TBC1D1: variants seen among roughly 807,000 people sequenced by gnomAD.
TBC1D1 encodes TBC1 (tre-2/USP6, BUB2, cdc16) domain family, member 1.
A neutral mutation model predicts 125.6 loss-of-function variants in TBC1D1; 89 were observed. That is an observed-to-expected ratio of 0.71 (90% CI 0.60 to 0.85). The LOEUF (loss-of-function observed/expected upper bound fraction) is 0.85. TBC1D1 is among the 40% of genes least tolerant of loss of function. The pLI, the probability that TBC1D1 is intolerant of heterozygous loss-of-function variation, is 0.00. For synonymous variants in TBC1D1, 565 were observed against 564.1 expected (o/e 1.00, Z -0.02); for missense variants, 1,377 against 1,469.2 (o/e 0.94, Z 1.03).
At chr4:38,108,150 G>A (rs753576119) in intron 15 of TBC1D1, among the ~76,000 whole-genome samples, 2 of 152,156 alleles carry the variant, frequency 1.3e-5, no homozygotes, top group African/African-American at 2.4e-5. Context: ...GGACTGCCCA[G>A]CATCCTGTCT....
chr4:38,107,577 G>GTTTTTTTTTTTTTTTTT (rs3038351), intron 15 of TBC1D1, among the ~76,000 whole-genome samples: 2 of 53,104 alleles, frequency 3.8e-5, no homozygotes, highest in Non-Finnish European at 6.3e-5. Context: ...GTCTAAACAG[G>GTTTTTTTTTTTTTTTTT]TTTTTTTTTT....
chr4:38,087,847 AAAAAAAAAAAAAAAAG>A (rs1442362303), intron 12 of TBC1D1, among the ~76,000 whole-genome samples: 37 of 100,106 alleles, frequency 3.7e-4, no homozygotes, highest in Admixed American at 1.7e-3. Flanking sequence ...TTCCGTCTCA[AAAAAAAAAAAAAAAAG>A]AAAAAAAAAA....
intron 12 of TBC1D1, among the ~76,000 whole-genome samples, chr4:38,086,788 G>C (rs1273905760): frequency 1.3e-5 from 2 of 152,192 alleles, no homozygotes. Context: ...TGGAGAAACA[G>C]CAGTGGAGGC....
chr4:38,038,500 A>G (rs1427460630), intron 8 of TBC1D1, among the ~76,000 whole-genome samples: 2 of 152,168 alleles, frequency 1.3e-5, no homozygotes, highest in Admixed American at 6.5e-5. Context: ...ACACTTTAGC[A>G]TGTATATCAT....
At chr4:38,021,276 A>G (rs1035538766) in intron 5 of TBC1D1, among the ~76,000 whole-genome samples, 4 of 152,162 alleles carry the variant, frequency 2.6e-5, no homozygotes, top group Non-Finnish European at 5.9e-5. Flanking sequence ...CCATGATTCA[A>G]TTACCTCCCA....
chr4:38,057,116 C>T (rs774753411), intron 12 of TBC1D1, among the ~76,000 whole-genome samples: 44 of 152,206 alleles, frequency 2.9e-4, no homozygotes, highest in Non-Finnish European at 5.9e-4. Context: ...TGTGCCCCAC[C>T]ACCCAATCTC....
intron 2 of TBC1D1, chr4:37,960,295 C>T (rs1729721422): frequency 1.3e-6 from 1 of 778,310 alleles, no homozygotes; most frequent in African/African-American, 1.8e-5. Context: ...TATATGAGTT[C>T]ATGCTAACTC....
chr4:37,914,935 C>G (rs1396568282), intron 2 of TBC1D1, among the ~76,000 whole-genome samples: 3 of 152,260 alleles, frequency 2.0e-5, no homozygotes, highest in African/African-American at 7.2e-5. Context: ...TCACTTCATC[C>G]AGTTTTAATG....
chr4:37,957,037 C>T (rs573852001), intron 2 of TBC1D1, among the ~76,000 whole-genome samples: 2 of 152,228 alleles, frequency 1.3e-5, no homozygotes, highest in South Asian at 4.1e-4. Flanking sequence ...TACTCCTATC[C>T]GGTCTTTGGG....
At chr4:37,918,847 A>G (rs1281467376) in intron 2 of TBC1D1, among the ~76,000 whole-genome samples, 2 of 152,222 alleles carry the variant, frequency 1.3e-5, no homozygotes, top group African/African-American at 4.8e-5. Flanking sequence ...ATGATGTATT[A>G]TGTGTATTCT....
intron 12 of TBC1D1, among the ~76,000 whole-genome samples, chr4:38,056,813 G>A (rs1751795113): frequency 6.6e-6 from 1 of 152,074 alleles, no homozygotes; most frequent in African/African-American, 2.4e-5. Flanking sequence ...GTCTCGCGGG[G>A]TGGGGGAGTC....
At chr4:37,938,157 G>A (rs1349121693) in intron 2 of TBC1D1, among the ~76,000 whole-genome samples, 1 of 151,966 alleles carries the variant, frequency 6.6e-6, no homozygotes, top group East Asian at 1.9e-4. Context: ...TAGATGGGAG[G>A]GTCGCTTGAG....
intron 4 of TBC1D1, among the ~76,000 whole-genome samples, chr4:38,019,220 G>T (rs1355303587): frequency 6.6e-6 from 1 of 151,914 alleles, no homozygotes. Context: ...GATAAAATAT[G>T]AAAATGTCAG....
At chr4:37,956,739 G>T (rs1729007778) in intron 2 of TBC1D1, among the ~76,000 whole-genome samples, 1 of 152,024 alleles carries the variant, frequency 6.6e-6, no homozygotes, top group African/African-American at 2.4e-5. Flanking sequence ...TTGAGGTCAG[G>T]AGTTCAAGAC....
intron 17 of TBC1D1, 60 bp from the exon 20 acceptor site, chr4:38,124,902 G>C (rs1217343748): frequency 6.9e-7 from 1 of 1,458,664 alleles, no homozygotes; most frequent in African/African-American, 1.4e-5. Context: ...AAAGGCAATG[G>C]AATGGTATTG....
chr4:38,021,731 C>T lies in TBC1D1; in HGVS notation c.1210+13C>T, dbSNP rs1321523641. ...GAGAGGATAGAGGGTGAGTAGGGGACCCTTTCCAGCATGAACACAGTGGGA... is the reference window on the plus strand; with the variant it reads ...GAGAGGATAGAGGGTGAGTAGGGGATCCTTTCCAGCATGAACACAGTGGGA... On this transcript the variant is annotated intron_variant, in intron 6 of 19. Transcript: ENST00000261439. The T allele has an allele frequency of 2.0e-6, 3 of 1,529,330 alleles. No homozygotes were observed. Among genetic ancestry groups the T allele is most frequent in the African/African-American group, 1.4e-5 (1 of 71,240 alleles). 94.7% of individuals were successfully genotyped at this position (1,529,330 alleles called of 1,614,324 possible).
intron 2 of TBC1D1, among the ~76,000 whole-genome samples, chr4:37,926,797 G>T (rs1722219259): frequency 6.6e-6 from 1 of 152,164 alleles, no homozygotes; most frequent in Non-Finnish European, 1.5e-5. Context: ...TTTATTGGTG[G>T]TAGCTTTGTC....
chr4:38,013,227 AGAT>A, intron 2 of TBC1D1, among the ~76,000 whole-genome samples: 1 of 133,372 alleles, frequency 7.5e-6, no homozygotes, highest in South Asian at 2.2e-4. Context: ...TATGACAGAG[AGAT>A]CTTTAAGGTG....
At chr4:37,951,563 T>C (rs1236003565) in intron 2 of TBC1D1, among the ~76,000 whole-genome samples, 13 of 152,196 alleles carry the variant, frequency 8.5e-5, no homozygotes, top group South Asian at 6.2e-4. Flanking sequence ...AGGCTCTTTT[T>C]TATTCTTGTG....
Sources: allele counts gnomAD v4.1 joint callset (sites outside exome capture counted in the v4.1 genomes callset), GRCh38; gene constraint gnomAD v4.1.1; transcripts MANE v1.5; gene names NCBI Gene and HGNC (gene_info 2026-07-23, HGNC 2026-07-21).